KCNMB2: variants seen among roughly 807,000 people sequenced by gnomAD.
KCNMB2 encodes the protein potassium calcium-activated channel subfamily M regulatory beta subunit 2.
A neutral mutation model predicts 24.5 loss-of-function variants in KCNMB2; 9 were observed. The observed-to-expected ratio is 0.37, with a 90% CI of 0.22 to 0.64. The LOEUF (loss-of-function observed/expected upper bound fraction) is 0.64. KCNMB2 is among the 30% of genes least tolerant of loss of function. The pLI is 0.63. For missense variants in KCNMB2, 226 were observed against 284.3 expected (o/e 0.79, Z 1.47); for synonymous variants, 109 against 104.4 (o/e 1.04, Z -0.27).
chr3:178,686,494 C>G (rs1721477300), intron 1 of KCNMB2, among the ~76,000 whole-genome samples: 1 of 152,084 alleles, frequency 6.6e-6, no homozygotes, highest in South Asian at 2.1e-4. Context: ...GGGAAGGGCA[C>G]CTCTCAAATG....
intron 1 of KCNMB2, among the ~76,000 whole-genome samples, chr3:178,778,462 A>ACGCGCGCGCGCG (rs1437410515): frequency 3.1e-5 from 2 of 63,596 alleles, no homozygotes; most frequent in South Asian, 1.2e-3. Flanking sequence ...TAAGACACAC[A>ACGCGCGCGCGCG]CACACACACA....
At chr3:178,834,234 T>G (rs1287600491) in intron 4 of KCNMB2, among the ~76,000 whole-genome samples, 11 of 152,164 alleles carry the variant, frequency 7.2e-5, no homozygotes, top group African/African-American at 1.4e-4. Context: ...TGGGTGTGTG[T>G]GGGGCTTTTC....
intron 1 of KCNMB2, among the ~76,000 whole-genome samples, chr3:178,585,923 G>T (rs1488028033): frequency 6.6e-6 from 1 of 152,208 alleles, no homozygotes; most frequent in Non-Finnish European, 1.5e-5. Flanking sequence ...ACACTGCCAT[G>T]TAAGTTTATT....
chr3:178,582,373 T>C (rs1435801139), intron 1 of KCNMB2, among the ~76,000 whole-genome samples: 3 of 151,886 alleles, frequency 2.0e-5, no homozygotes, highest in South Asian at 2.1e-4. Flanking sequence ...GGGTGGGAGT[T>C]AGGGGAGGGA....
At chr3:178,687,045 A>C (rs764956645) in intron 1 of KCNMB2, among the ~76,000 whole-genome samples, 9 of 152,164 alleles carry the variant, frequency 5.9e-5, no homozygotes, top group Non-Finnish European at 1.0e-4. Flanking sequence ...CTTGATTTAG[A>C]AAAACAAATA....
intron 1 of KCNMB2, among the ~76,000 whole-genome samples, chr3:178,730,559 T>A (rs1204877335): frequency 6.6e-6 from 1 of 152,082 alleles, no homozygotes; most frequent in Admixed American, 6.6e-5. Context: ...AAAATGTAAA[T>A]CTAATCAAAT....
At chr3:178,566,102 T>TTTCTTCTC (rs1335991811) in intron 1 of KCNMB2, among the ~76,000 whole-genome samples, 14 of 152,304 alleles carry the variant, frequency 9.2e-5, no homozygotes, top group South Asian at 8.3e-4. Flanking sequence ...TTTAAGGTCT[T>TTTCTTCTC]TTCTTCTCTT....
At chr3:178,635,408 TAC>T (rs58294929) in intron 1 of KCNMB2, among the ~76,000 whole-genome samples, 26,992 of 144,392 alleles carry the variant, frequency 0.19, 2,467 homozygotes, top group Middle Eastern at 0.33. Flanking sequence ...TGCTTATGCA[TAC>T]ACACACACAC....
intron 1 of KCNMB2, among the ~76,000 whole-genome samples, chr3:178,617,716 C>A (rs1170133288): frequency 6.6e-6 from 1 of 151,426 alleles, no homozygotes; most frequent in Non-Finnish European, 1.5e-5. Flanking sequence ...GATGAAACCC[C>A]GTCTCTACTA....
At chr3:178,611,635 G>T (rs1718487985) in intron 1 of KCNMB2, among the ~76,000 whole-genome samples, 2 of 152,144 alleles carry the variant, frequency 1.3e-5, no homozygotes, top group Non-Finnish European at 2.9e-5. Context: ...AACCCAGGAG[G>T]TGGAGCTTGC....
At chr3:178,729,090 C>A (rs2108365312) in intron 1 of KCNMB2, among the ~76,000 whole-genome samples, 1 of 152,096 alleles carries the variant, frequency 6.6e-6, no homozygotes, top group Middle Eastern at 3.4e-3. Flanking sequence ...AAAATCTTCA[C>A]AAACACTGCA....
chr3:178,571,461 T>TAC (rs1716786096), intron 1 of KCNMB2, among the ~76,000 whole-genome samples: 1 of 60,572 alleles, frequency 1.7e-5, no homozygotes, highest in Non-Finnish European at 3.0e-5. Flanking sequence ...TATATATATA[T>TAC]ATATATATAT....
At chr3:178,667,669 C>G (rs972360059) in intron 1 of KCNMB2, among the ~76,000 whole-genome samples, 1 of 152,126 alleles carries the variant, frequency 6.6e-6, no homozygotes, top group Non-Finnish European at 1.5e-5. Context: ...ACCAATCCTG[C>G]TGACACCTTG....
intron 1 of KCNMB2, among the ~76,000 whole-genome samples, chr3:178,563,713 A>G (rs913463301): frequency 1.3e-5 from 2 of 152,146 alleles, no homozygotes; most frequent in African/African-American, 4.8e-5. Context: ...GGTGTCCAGG[A>G]AGTGTGGGTA....
intron 1 of KCNMB2, among the ~76,000 whole-genome samples, chr3:178,636,905 A>T (rs1477784): frequency 0.18 from 26,639 of 151,948 alleles, 2,385 homozygotes; most frequent in East Asian, 0.24. Flanking sequence ...CCATGTGTCC[A>T]CGTGTTCTCA....
At chr3:178,757,339 T>TCC (rs1724114261) in intron 1 of KCNMB2, among the ~76,000 whole-genome samples, 3 of 95,312 alleles carry the variant, frequency 3.1e-5, no homozygotes, top group Admixed American at 2.5e-4. Flanking sequence ...TATGTATATA[T>TCC]ATCCAAGAGG....
chr3:178,553,873 C>T (rs955362528), intron 1 of KCNMB2, among the ~76,000 whole-genome samples: 8 of 151,710 alleles, frequency 5.3e-5, no homozygotes, highest in East Asian at 1.9e-4. Flanking sequence ...TTGTTCATAT[C>T]GGTTTTCCTA....
rs1191969363 is a variant in KCNMB2 at position 178,814,970 on chromosome 3, TTTAA to T, written c.56+7510_56+7513del. ...ATTTTGCTGTGCAGAAGCTCTTTAG[TTTAA>T]TTAAGTCCCATTTGTCAATTTTTGG... On this transcript the variant is annotated intron_variant, in intron 2 of 4. Coordinates refer to ENST00000452583, the MANE Select transcript of KCNMB2 (RefSeq NM_181361.3). 9.2e-5 allele frequency among the ~76,000 whole-genome samples: 14 copies of T among 152,308 alleles called. No homozygotes were observed. In the South Asian group the frequency reaches 2.5e-3, roughly 27 times the overall value.
At chr3:178,693,915 CTATT>C (rs571907133) in intron 1 of KCNMB2, among the ~76,000 whole-genome samples, 220 of 146,442 alleles carry the variant, frequency 1.5e-3, no homozygotes, top group Non-Finnish European at 1.1e-3. Context: ...AGTTAGTAGA[CTATT>C]TATTACTGCC....
Sources: gnomAD v4.1 joint callset for allele counts (sites outside exome capture counted in the v4.1 genomes callset) on GRCh38, gnomAD v4.1.1 for gene constraint, MANE v1.5 for transcripts, NCBI Gene and HGNC (gene_info 2026-07-23, HGNC 2026-07-21) for gene names.